SETD5: variants seen among roughly 807,000 people sequenced by gnomAD.
The protein encoded by SETD5 is histone-lysine N-methyltransferase SETD5.
SETD5 carries 44 observed loss-of-function variants against 153.3 expected under a neutral mutation model. The observed-to-expected ratio is 0.29, with a 90% CI of 0.23 to 0.37. The LOEUF (loss-of-function observed/expected upper bound fraction) is 0.37. Ranked by LOEUF, SETD5 falls within the 10% of genes least tolerant of loss-of-function variation. SETD5 has a pLI of 1.00. For missense variants in SETD5, 1,544 were observed against 1,768.0 expected, an observed-to-expected ratio of 0.87 and a Z score of 2.27; for synonymous variants, 716 against 645.2, an observed-to-expected ratio of 1.11 and a Z score of -1.66.
chr3:9,448,269 A>T (rs766671088), intron 15 of SETD5, 119 bp from the exon 16 acceptor site: 32 of 1,439,722 alleles, frequency 2.2e-5, no homozygotes, highest in Non-Finnish European at 2.8e-5. Flanking sequence ...TAGTTGCTCA[A>T]TTCATTCTTA....
chr3:9,469,029 C>G (rs1559484424), intron 18 of SETD5, among the ~76,000 whole-genome samples: 1 of 152,110 alleles, frequency 6.6e-6, no homozygotes, highest in Non-Finnish European at 1.5e-5. Flanking sequence ...TCTAACAGCT[C>G]TGTAAACCAG....
chr3:9,412,387 GTTTTTTTTTT>G (rs370566998), intron 1 of SETD5, among the ~76,000 whole-genome samples: 5 of 89,534 alleles, frequency 5.6e-5, no homozygotes, highest in Non-Finnish European at 9.1e-5. Context: ...ACAGTTTTGG[GTTTTTTTTTT>G]TTTTTTTTTT....
chr3:9,404,901 CA>C (rs752800248), intron 1 of SETD5, among the ~76,000 whole-genome samples: 128 of 152,336 alleles, frequency 8.4e-4, no homozygotes, highest in Middle Eastern at 3.4e-3. Context: ...AGGTGAAACA[CA>C]AGCACTGTAC....
At chr3:9,402,903 C>G (rs980724100) in intron 1 of SETD5, among the ~76,000 whole-genome samples, 1 of 152,106 alleles carries the variant, frequency 6.6e-6, no homozygotes, top group Non-Finnish European at 1.5e-5. Flanking sequence ...AGGATTTGGT[C>G]TAAGTAGAAA....
chr3:9,417,764 C>T (rs1186454259), intron 1 of SETD5, among the ~76,000 whole-genome samples: 3 of 150,358 alleles, frequency 2.0e-5, no homozygotes, highest in Non-Finnish European at 3.0e-5. Flanking sequence ...GGATTATAGG[C>T]GGGATCCACT....
chr3:9,423,060 C>T (rs150438215), intron 1 of SETD5, among the ~76,000 whole-genome samples: 56 of 152,342 alleles, frequency 3.7e-4, no homozygotes, highest in African/African-American at 1.3e-3. Flanking sequence ...CAGCTGCTTC[C>T]GCCTCACCTG....
intron 17 of SETD5, among the ~76,000 whole-genome samples, chr3:9,462,789 G>GTC (rs759018932): frequency 1.3e-5 from 2 of 151,852 alleles, no homozygotes; most frequent in Non-Finnish European, 2.9e-5. Flanking sequence ...TACCTGTTTT[G>GTC]TCTCTCTCCA....
chr3:9,401,547 CTA>C lies in SETD5; in HGVS notation c.-177+3572_-177+3573del, dbSNP rs1229919142. 6.6e-5 allele frequency among the ~76,000 whole-genome samples: 10 copies of C among 152,076 alleles called. No individual in the cohort carries two copies. The East Asian group carries it at 1.9e-3, about 29-fold the overall frequency. The stretch of plus-strand genomic sequence containing the variant: ...ATTCTGGCTTTTCTGGGGAGAATGA[CTA>C]TTTCATTTTTACCTTTGAATGGGGA... On this transcript the variant is annotated intron_variant, in intron 1 of 22. Coordinates refer to ENST00000402198, the MANE Select transcript of SETD5 (RefSeq NM_001080517.3).
Position 9,434,140 on chromosome 3 carries a change from T to C in SETD5, c.177+190T>C, listed in dbSNP as rs1205494501. On this transcript the variant is annotated intron_variant, in intron 4 of 22. Transcript: ENST00000402198. The surrounding 1 kb of genome is among the most constrained non-coding windows in gnomAD (Gnocchi z 5.6). ...TTTTATGTCCCAGTTGACCTTGGCATTTTGTTTTATCACTTTCCTGGTTGA... is the reference window on the plus strand; with the variant it reads ...TTTTATGTCCCAGTTGACCTTGGCACTTTGTTTTATCACTTTCCTGGTTGA... The C allele has an allele frequency of 6.5e-7, 1 of 1,548,402 alleles. No homozygotes were observed. The highest frequency in any genetic ancestry group is 2.4e-5 in the East Asian group (1 of 41,078).
At chr3:9,452,438 T>C (rs2042727261) in intron 16 of SETD5, among the ~76,000 whole-genome samples, 1 of 152,216 alleles carries the variant, frequency 6.6e-6, no homozygotes, top group Non-Finnish European at 1.5e-5. Flanking sequence ...CTTTACATCA[T>C]TATTCTGTAT....
At position 9,447,789 on chromosome 3, in the gene SETD5, G is replaced by A. The variant is rs1171904185; in HGVS notation, c.1886G>A (p.Arg629Lys). The part of the protein sequence containing the change: ...ISRYRTSSAQ[R>K]LKRQKQANAQ... ...CGGTACAGGACCAGTTCAGCCCAAAGACTAAAGCGTCAGAAGCAGGCCAAT... is the reference window on the plus strand; with the variant it reads ...CGGTACAGGACCAGTTCAGCCCAAAAACTAAAGCGTCAGAAGCAGGCCAAT... The change falls in exon 15 of 23, where the codon AGA becomes AAA. Residue 629 changes from arginine (R) to lysine (K), a missense_variant. Coordinates refer to ENST00000402198, the MANE Select transcript of SETD5 (RefSeq NM_001080517.3). The A allele has an allele frequency of 1.2e-6, 2 of 1,614,002 alleles. No individual in the cohort carries two copies. Among genetic ancestry groups the A allele is most frequent in the South Asian group, 1.1e-5 (1 of 91,086 alleles).
rs1366055794 is a variant in SETD5 at position 9,475,176 on chromosome 3, G to T, written c.3720+20G>T. 6.4e-7 allele frequency: 1 copy of T among 1,562,516 alleles called. No homozygotes were observed. The highest frequency in any genetic ancestry group is 8.7e-7 in the Non-Finnish European group (1 of 1,152,186). The stretch of plus-strand genomic sequence containing the variant: ...TACCAGGTGAGATGAGAAATTGCTG[G>T]TCTCTAGCCATAGGAGTGTGTTCTG... On this transcript the variant is annotated intron_variant, in intron 22 of 22. Transcript: ENST00000402198.
At chr3:9,407,515 A>G (rs1278458800) in intron 1 of SETD5, among the ~76,000 whole-genome samples, 2 of 152,140 alleles carry the variant, frequency 1.3e-5, no homozygotes, top group Admixed American at 1.3e-4. Flanking sequence ...GCAGTAGTAC[A>G]CCGAGCAACA....
At chr3:9,432,991 C>T (rs1179931758) in intron 3 of SETD5, among the ~76,000 whole-genome samples, 1 of 152,170 alleles carries the variant, frequency 6.6e-6, no homozygotes, top group Non-Finnish European at 1.5e-5. Flanking sequence ...CAGTGTGTAA[C>T]CTTGGGGAAG....
At position 9,424,995 on chromosome 3, in the gene SETD5, G is replaced by A. The variant is rs560332946; in HGVS notation, c.-117+469G>A. 2.7e-5 allele frequency among the ~76,000 whole-genome samples: 4 copies of A among 147,534 alleles called. No homozygotes were observed. In the South Asian group the frequency reaches 8.5e-4, roughly 31 times the overall value. On this transcript the variant is annotated intron_variant, in intron 2 of 22. Coordinates refer to ENST00000402198, the MANE Select transcript of SETD5 (RefSeq NM_001080517.3). ...AGAATGAAACAGTCATGTTAAACTA[G>A]ACACAAGGAAAATGGAATAATTTTT...
At chr3:9,414,406 G>A (rs2037108076) in intron 1 of SETD5, among the ~76,000 whole-genome samples, 1 of 151,850 alleles carries the variant, frequency 6.6e-6, no homozygotes, top group African/African-American at 2.4e-5. Flanking sequence ...TGTTGTTGTT[G>A]TTAAGAATTC....
chr3:9,452,531 G>A (rs976195611), intron 16 of SETD5, among the ~76,000 whole-genome samples: 3 of 151,990 alleles, frequency 2.0e-5, no homozygotes, highest in South Asian at 2.1e-4. Flanking sequence ...AAATGTTTAC[G>A]TGATTCAAAT....
In SETD5 at chr3:9,477,547, A is replaced by C. The variant is rs1299058341; in HGVS notation, c.*1456A>C. 6.6e-6 allele frequency: 1 copy of C among 152,250 alleles called. No homozygotes were observed. The highest frequency in any genetic ancestry group is 1.5e-5 in the Non-Finnish European group (1 of 68,004). The allele number at this position is 152,250 out of a possible 1,614,324, so 9.4% of individuals were successfully genotyped here. ...TCTAATTTGTTTTCCTTTTTTCCCCAGCCTCTTGCATCCCCTTCTTTTCTA... is the reference window on the plus strand; with the variant it reads ...TCTAATTTGTTTTCCTTTTTTCCCCCGCCTCTTGCATCCCCTTCTTTTCTA... On this transcript the variant is annotated 3_prime_UTR_variant, in exon 23 of 23. Transcript: ENST00000402198.
rs147375908 is a variant in SETD5, at chr3:9,431,298, C to G, written c.71+2289C>G. The G allele has an allele frequency of 4.2e-4, 414 of 985,318 alleles. No individual in the cohort carries two copies. In the African/African-American group the frequency reaches 6.5e-3, roughly 15 times the overall value. The allele number at this position is 985,318 out of a possible 1,614,324, so 61.0% of individuals were successfully genotyped here. On this transcript the variant is annotated intron_variant, in intron 3 of 22. Coordinates refer to ENST00000402198, the MANE Select transcript of SETD5 (RefSeq NM_001080517.3). ...GATAGCAGCTGGGTTGCATGTTGTA[C>G]TTAGAACACTGTTGATGGAGTATAT...
Sources: allele counts gnomAD v4.1 joint callset (sites outside exome capture counted in the v4.1 genomes callset), GRCh38; gene constraint gnomAD v4.1.1; non-coding constraint Gnocchi (gnomAD v3.1); transcripts MANE v1.5; gene names NCBI Gene and HGNC (gene_info 2026-07-23, HGNC 2026-07-21).